Variants in AGTPBP1 observed in about 807,000 individuals in gnomAD.
AGTPBP1 encodes ATP/GTP binding carboxypeptidase 1.
Under a neutral mutation model 143.9 loss-of-function variants are expected in AGTPBP1, and 70 were observed. The observed-to-expected ratio is 0.49, with a 90% CI of 0.40 to 0.59. AGTPBP1 has a LOEUF of 0.59. Ranked by LOEUF, AGTPBP1 falls within the 20% of genes least tolerant of loss-of-function variation. The probability of loss-of-function intolerance (pLI) is 0.00; values close to 1 mark genes in which losing one functional copy is unlikely to be tolerated. For synonymous variants in AGTPBP1, 463 were observed against 500.2 expected, an observed-to-expected ratio of 0.93 and a Z score of 0.99; for missense variants, 1,229 against 1,464.5, an observed-to-expected ratio of 0.84 and a Z score of 2.62.
At chr9:85,551,119 G>A (rs1826014603) in intron 25 of AGTPBP1, among the ~76,000 whole-genome samples, 1 of 151,938 alleles carries the variant, frequency 6.6e-6, no homozygotes, top group Non-Finnish European at 1.5e-5. Flanking sequence ...AAAGCTCCCT[G>A]AGACCTTCCC....
chr9:85,718,264 T>C (rs1412518965), intron 1 of AGTPBP1, among the ~76,000 whole-genome samples: 1 of 152,200 alleles, frequency 6.6e-6, no homozygotes, highest in Non-Finnish European at 1.5e-5. Flanking sequence ...CCACAATGGT[T>C]GAACTAATTT....
chr9:85,603,972 T>C (rs200344192), intron 17 of AGTPBP1, among the ~76,000 whole-genome samples: 5 of 152,036 alleles, frequency 3.3e-5, no homozygotes, highest in East Asian at 1.9e-4. Flanking sequence ...TGCAGCAGAA[T>C]AGAACACCAA....
At chr9:85,669,198 C>T (rs1335264056) in intron 8 of AGTPBP1, among the ~76,000 whole-genome samples, 1 of 151,076 alleles carries the variant, frequency 6.6e-6, no homozygotes, top group Non-Finnish European at 1.5e-5. Flanking sequence ...TGAATGAATA[C>T]TCTATAGATA....
the AGTPBP1 span, chr9:85,756,091 G>A: frequency 6.4e-7 from 1 of 1,556,584 alleles, no homozygotes; most frequent in Non-Finnish European, 8.6e-7. Flanking sequence ...ATAAGCAAAA[G>A]AAATAGTTAG....
At chr9:85,742,421 C>T (rs1824421866), upstream of AGTPBP1, among the ~76,000 whole-genome samples, 1 of 151,788 alleles carries the variant, frequency 6.6e-6, no homozygotes. Context: ...CCACGTGATC[C>T]CGGGGTCGCA....
At chr9:85,629,609 GCATA>G (rs1831526443) in intron 14 of AGTPBP1, among the ~76,000 whole-genome samples, 1 of 152,194 alleles carries the variant, frequency 6.6e-6, no homozygotes, top group African/African-American at 2.4e-5. Flanking sequence ...TCCTCAATCT[GCATA>G]CAGACATTCA....
chr9:85,659,012 A>T (rs1378034878), intron 9 of AGTPBP1, among the ~76,000 whole-genome samples: 5 of 152,200 alleles, frequency 3.3e-5, no homozygotes, highest in Non-Finnish European at 7.4e-5. Flanking sequence ...AGCCATTATG[A>T]TCATTCTAAT....
intron 25 of AGTPBP1, among the ~76,000 whole-genome samples, chr9:85,561,524 AG>A (rs1826724798): frequency 6.6e-6 from 1 of 152,154 alleles, no homozygotes; most frequent in Non-Finnish European, 1.5e-5. Flanking sequence ...AATGTCACCT[AG>A]ATTCTCCAGC....
chr9:85,692,133 G>A (rs949443388), intron 3 of AGTPBP1, among the ~76,000 whole-genome samples: 7 of 152,004 alleles, frequency 4.6e-5, no homozygotes. Flanking sequence ...AGTAGCACTG[G>A]AATTAGGTAC....
At chr9:85,547,975 TACC>T (rs2118296583) in intron 25 of AGTPBP1, among the ~76,000 whole-genome samples, 1 of 152,248 alleles carries the variant, frequency 6.6e-6, no homozygotes, top group East Asian at 1.9e-4. Context: ...CCTAGAAAAA[TACC>T]ACATTATTCT....
At chr9:85,576,803 T>G (rs772913975) in intron 24 of AGTPBP1, among the ~76,000 whole-genome samples, 1 of 152,174 alleles carries the variant, frequency 6.6e-6, no homozygotes, top group Admixed American at 6.5e-5. Flanking sequence ...TAAAGTCTAT[T>G]AACTTTTTTA....
rs1376899675 is a variant in AGTPBP1, at chr9:85,673,539, GAAGAA to G, written c.437-863_437-859del. On this transcript the variant is annotated intron_variant, in intron 6 of 25. Transcript: ENST00000357081. Reference sequence around the variant, plus strand: ...GGAAATAATTCTTAACACAGGAAGGGAAGAAAAGATGTTCTTAATTTTTATTCTCA... The same window carrying G: ...GGAAATAATTCTTAACACAGGAAGGGAAGATGTTCTTAATTTTTATTCTCA... Among the ~76,000 whole-genome samples the G allele has an allele frequency of 2.0e-5, 3 of 152,048 alleles. No homozygotes were observed. In the East Asian group the frequency reaches 5.8e-4, roughly 29 times the overall value.
the AGTPBP1 span, among the ~76,000 whole-genome samples, chr9:85,758,460 C>G: frequency 6.6e-6 from 1 of 152,122 alleles, no homozygotes; most frequent in Non-Finnish European, 1.5e-5. Flanking sequence ...GCCTGACCAA[C>G]ATGGTGAAAC....
Position 85,588,284 on chromosome 9 carries a change from A to G in AGTPBP1, c.2903+14T>C, listed in dbSNP as rs750369516. On this transcript the variant is annotated intron_variant, in intron 21 of 25. Transcript: ENST00000357081. ...ATGGTCTTGAATATATTCTACAACT[A>G]TTGCTTAACTTACTTTCCATTGATG... 6 of 1,583,576 alleles carry G rather than the reference A, an allele frequency of 3.8e-6. No homozygotes were observed. In the Admixed American group the frequency reaches 1.1e-4, roughly 29 times the overall value.
chr9:85,549,899 C>G (rs1825936251), intron 25 of AGTPBP1, among the ~76,000 whole-genome samples: 2 of 152,186 alleles, frequency 1.3e-5, no homozygotes, highest in South Asian at 4.1e-4. Context: ...TGAAATCACC[C>G]ATTCTAGTAA....
chr9:85,558,976 T>A (rs1461941919), intron 25 of AGTPBP1, among the ~76,000 whole-genome samples: 1 of 152,208 alleles, frequency 6.6e-6, no homozygotes, highest in African/African-American at 2.4e-5. Context: ...AGACCTGATA[T>A]CCTGAAATTT....
intron 20 of AGTPBP1, 46 bp from the exon 21 acceptor site, chr9:85,588,524 A>C (rs1412064069): frequency 6.3e-7 from 1 of 1,576,912 alleles, no homozygotes; most frequent in Non-Finnish European, 8.6e-7. Flanking sequence ...AGCTACTAAA[A>C]GTTTGTATAT....
the AGTPBP1 span, chr9:85,753,488 T>C: frequency 6.3e-7 from 1 of 1,587,024 alleles, no homozygotes; most frequent in Non-Finnish European, 8.6e-7. Flanking sequence ...AGAGGTAAAC[T>C]CACACCTGTA....
intron 1 of AGTPBP1, among the ~76,000 whole-genome samples, chr9:85,733,480 G>A (rs1439993612): frequency 6.6e-6 from 1 of 152,146 alleles, no homozygotes; most frequent in African/African-American, 2.4e-5. Flanking sequence ...AAGCAGTGCT[G>A]AGGAGAAAAT....
Sources: allele counts gnomAD v4.1 joint callset (sites outside exome capture counted in the v4.1 genomes callset), GRCh38; gene constraint gnomAD v4.1.1; transcripts MANE v1.5; gene names NCBI Gene and HGNC (gene_info 2026-07-23, HGNC 2026-07-21).